Variants in CTNNA3 observed in about 807,000 individuals in gnomAD.
CTNNA3 encodes catenin alpha-3.
In CTNNA3, 76 loss-of-function variants were observed where a neutral mutation model predicts 95.7. The ratio of observed to expected loss-of-function variants is 0.79; its 90% CI spans 0.66 to 0.96. CTNNA3 has a LOEUF of 0.96. Among genes scored for constraint, CTNNA3 ranks in the 40% least tolerant of loss-of-function variants. The pLI, the probability that CTNNA3 is intolerant of heterozygous loss-of-function variation, is 0.00. For synonymous variants in CTNNA3, 431 were observed against 374.4 expected (o/e 1.15, Z -1.74); for missense variants, 1,191 against 1,089.8 (o/e 1.09, Z -1.31).
At chr10:66,812,120 C>T (rs1445600385) in intron 7 of CTNNA3, among the ~76,000 whole-genome samples, 1 of 152,066 alleles carries the variant, frequency 6.6e-6, no homozygotes, top group Non-Finnish European at 1.5e-5. Flanking sequence ...TGGGAAAATT[C>T]TCTCCTTACT....
chr10:67,079,692 G>A (rs10997497), intron 7 of CTNNA3, among the ~76,000 whole-genome samples: 60,985 of 151,552 alleles, frequency 0.4, 12,581 homozygotes, highest in Middle Eastern at 0.55. Flanking sequence ...TACTAAAAAT[G>A]CAAAAACTAG....
intron 5 of CTNNA3, among the ~76,000 whole-genome samples, chr10:67,511,665 T>C (rs1395772409): frequency 6.6e-6 from 1 of 152,204 alleles, no homozygotes; most frequent in Non-Finnish European, 1.5e-5. Flanking sequence ...TCTTTTTTTG[T>C]TGTGTCTCTG....
chr10:66,308,760 G>T (rs951563134), intron 12 of CTNNA3, among the ~76,000 whole-genome samples: 1 of 151,954 alleles, frequency 6.6e-6, no homozygotes, highest in African/African-American at 2.4e-5. Context: ...GCTAACCCTT[G>T]TACAGGCTAA....
At chr10:66,227,743 G>C (rs1018783544) in intron 13 of CTNNA3, among the ~76,000 whole-genome samples, 2 of 152,052 alleles carry the variant, frequency 1.3e-5, no homozygotes, top group African/African-American at 4.8e-5. Flanking sequence ...TGTGAGAACT[G>C]ATTTTAGTTC....
intron 3 of CTNNA3, among the ~76,000 whole-genome samples, chr10:67,580,717 G>T (rs569249317): frequency 6.6e-6 from 1 of 151,578 alleles, no homozygotes; most frequent in Non-Finnish European, 1.5e-5. Flanking sequence ...ATTTGTTTGT[G>T]TCCTCTTTTA....
chr10:67,612,741 T>G (rs1843501153), intron 2 of CTNNA3, among the ~76,000 whole-genome samples: 1 of 152,120 alleles, frequency 6.6e-6, no homozygotes, highest in Non-Finnish European at 1.5e-5. Context: ...GGCTAACACC[T>G]CTAACCTGAA....
intron 13 of CTNNA3, among the ~76,000 whole-genome samples, chr10:66,146,231 C>T (rs2083880215): frequency 6.6e-6 from 1 of 152,112 alleles, no homozygotes; most frequent in African/African-American, 2.4e-5. Flanking sequence ...ACTGGCCCTT[C>T]CAGGTCATTT....
chr10:66,460,427 T>C (rs1295531437), intron 11 of CTNNA3, among the ~76,000 whole-genome samples: 1 of 152,218 alleles, frequency 6.6e-6, no homozygotes, highest in Non-Finnish European at 1.5e-5. Context: ...ACAGTTCATG[T>C]AAGTTGCGAT....
chr10:67,322,402 A>G (rs556456031), intron 5 of CTNNA3, among the ~76,000 whole-genome samples: 4 of 152,072 alleles, frequency 2.6e-5, no homozygotes, highest in African/African-American at 7.2e-5. Context: ...AATAGGCCCA[A>G]TGTGTATTGT....
intron 7 of CTNNA3, among the ~76,000 whole-genome samples, chr10:66,870,436 C>G (rs564257021): frequency 6.6e-6 from 1 of 152,234 alleles, no homozygotes; most frequent in African/African-American, 2.4e-5. Context: ...AATTCAATTT[C>G]CTTTGTCCTA....
intron 6 of CTNNA3, among the ~76,000 whole-genome samples, chr10:67,195,069 C>T (rs754812895): frequency 2.6e-4 from 40 of 151,244 alleles, no homozygotes; most frequent in Non-Finnish European, 4.1e-4. Context: ...TGGCCACTAA[C>T]CAAAATCACT....
intron 9 of CTNNA3, among the ~76,000 whole-genome samples, chr10:66,702,738 T>A (rs1168294431): frequency 1.8e-5 from 2 of 109,876 alleles, no homozygotes; most frequent in Admixed American, 1.8e-4. Flanking sequence ...GAATAAGTAG[T>A]AGTAGTAGTA....
chr10:67,403,159 G>C (rs550241280), intron 5 of CTNNA3, among the ~76,000 whole-genome samples: 1 of 152,310 alleles, frequency 6.6e-6, no homozygotes, highest in South Asian at 2.1e-4. Flanking sequence ...CCCCAGCACA[G>C]CACAGCACAG....
chr10:67,144,072 G>A (rs1860726128), intron 7 of CTNNA3, among the ~76,000 whole-genome samples: 1 of 152,192 alleles, frequency 6.6e-6, no homozygotes, highest in Non-Finnish European at 1.5e-5. Context: ...GTGTTAGAAA[G>A]CATGAAAACT....
intron 14 of CTNNA3, among the ~76,000 whole-genome samples, chr10:66,099,807 C>T (rs10996895): frequency 0.14 from 21,831 of 151,968 alleles, 2,032 homozygotes; most frequent in Admixed American, 0.23. Context: ...AGGTTTATTG[C>T]TCTGGTGGTG....
intron 7 of CTNNA3, among the ~76,000 whole-genome samples, chr10:67,082,124 G>A (rs891994276): frequency 4.6e-5 from 7 of 152,156 alleles, no homozygotes; most frequent in Admixed American, 3.9e-4. Flanking sequence ...CAATGCTATA[G>A]AGAGGATTTT....
At chr10:66,884,975 G>C (rs927723625) in intron 7 of CTNNA3, among the ~76,000 whole-genome samples, 1 of 151,872 alleles carries the variant, frequency 6.6e-6, no homozygotes, top group African/African-American at 2.4e-5. Flanking sequence ...CTGATTTGAG[G>C]GTAAATTCAT....
intron 11 of CTNNA3, among the ~76,000 whole-genome samples, chr10:66,493,040 T>C (rs1030535067): frequency 6.6e-6 from 1 of 152,118 alleles, no homozygotes; most frequent in African/African-American, 2.4e-5. Flanking sequence ...ACATACCAAA[T>C]TGAATTGAAA....
chr10:66,415,764 A>G (rs2132612208), intron 11 of CTNNA3, among the ~76,000 whole-genome samples: 1 of 152,150 alleles, frequency 6.6e-6, no homozygotes. Context: ...AAATCAAGGG[A>G]GACTACACTA....
Sources: allele counts gnomAD v4.1 joint callset (sites outside exome capture counted in the v4.1 genomes callset), GRCh38; gene constraint gnomAD v4.1.1; transcripts MANE v1.5; gene names NCBI Gene and HGNC (gene_info 2026-07-23, HGNC 2026-07-21).